The following LYG1 variants were observed in gnomAD, a reference collection of about 807,000 sequenced individuals.
LYG1 encodes the protein lysozyme g1.
In LYG1, 17 loss-of-function variants were observed where a neutral mutation model predicts 21.7. That is an observed-to-expected ratio of 0.78 (90% confidence interval 0.54 to 1.18). The LOEUF (loss-of-function observed/expected upper bound fraction) is 1.18, where lower values mean the gene tolerates loss of function less well. LYG1 is among the 50% of genes most tolerant of loss of function. The pLI is 0.00. For synonymous variants in LYG1, 81 were observed against 87.4 expected, an observed-to-expected ratio of 0.93 and a Z score of 0.41; for missense variants, 211 against 238.1, an observed-to-expected ratio of 0.89 and a Z score of 0.75.
rs2094092470 is a variant in LYG1 at position 99,284,695 on chromosome 2, G to C, written c.459C>G (p.Tyr153Ter). 6.2e-7 allele frequency: 1 copy of C among 1,614,124 alleles called. No homozygotes were observed. The highest frequency in any genetic ancestry group is 1.1e-5 in the South Asian group (1 of 91,076). The change falls in exon 6 of 7, where the codon TAC becomes TAG. Residue 153 changes from tyrosine to a stop codon, truncating the protein, a stop_gained. Transcript: ENST00000308528. LOFTEE classifies it high-confidence loss of function. ...RRFPTWTPDQ[Y>*]LRGGLCAYSG... is the part of the protein sequence containing the mutation. ...TGATAGCGTTACACGTACCTCTCAG[G>C]TACTGGTCAGGGGTCCAGGTTGGAA...
intron 5 of LYG1, among the ~76,000 whole-genome samples, chr2:99,286,166 G>T (rs945783196): frequency 4.6e-5 from 7 of 152,082 alleles, no homozygotes; most frequent in Non-Finnish European, 8.8e-5. Context: ...CAGCAAGAAG[G>T]CTCTACCAGA....
intron 3 of LYG1, among the ~76,000 whole-genome samples, chr2:99,294,417 C>G (rs1347470827): frequency 6.6e-6 from 1 of 152,132 alleles, no homozygotes; most frequent in African/African-American, 2.4e-5. Flanking sequence ...AATACTTCTA[C>G]TTTACAAACT....
intron 5 of LYG1, among the ~76,000 whole-genome samples, chr2:99,288,757 A>C (rs2094109751): frequency 6.6e-6 from 1 of 152,124 alleles, no homozygotes; most frequent in Admixed American, 6.5e-5. Flanking sequence ...TTTAGTAAAG[A>C]CAGGATTTCA....
intron 2 of LYG1, among the ~76,000 whole-genome samples, chr2:99,297,215 G>A (rs2094139408): frequency 6.6e-6 from 1 of 152,124 alleles, no homozygotes; most frequent in Non-Finnish European, 1.5e-5. Flanking sequence ...AGCTGGGTCT[G>A]CAGGAACGCT....
intron 3 of LYG1, 23 bp from the exon 4 acceptor site, chr2:99,292,663 C>T (rs551761619): frequency 9.3e-6 from 14 of 1,509,612 alleles, no homozygotes; most frequent in African/African-American, 1.4e-5. Flanking sequence ...AAAAGTTCAG[C>T]CTAAGGCATG....
chr2:99,288,210 G>A (rs1292247792), intron 5 of LYG1, among the ~76,000 whole-genome samples: 1 of 151,730 alleles, frequency 6.6e-6, no homozygotes, highest in African/African-American at 2.4e-5. Flanking sequence ...AATCTTTTTT[G>A]TTATGTCATA....
chr2:99,299,668 G>A lies in LYG1; in HGVS notation c.-123-1119C>T, dbSNP rs565205693. Reference sequence around the variant, plus strand: ...TCAAACTCCAGGGCTCAAGCAATCTGCCTGCCTCAGCCTCCCAAAGTGCTG... The same window carrying A: ...TCAAACTCCAGGGCTCAAGCAATCTACCTGCCTCAGCCTCCCAAAGTGCTG... On this transcript the variant is annotated intron_variant, in intron 1 of 6. Coordinates refer to ENST00000308528, the MANE Select transcript of LYG1 (RefSeq NM_174898.3). Among the ~76,000 whole-genome samples the A allele has an allele frequency of 1.2e-3, 184 of 151,760 alleles. 1 individual carries two copies. Among genetic ancestry groups the A allele is most frequent in the African/African-American group, 4.2e-3 (174 of 41,374 alleles).
intron 2 of LYG1, among the ~76,000 whole-genome samples, chr2:99,298,086 T>C (rs947685540): frequency 5.9e-5 from 9 of 152,198 alleles, no homozygotes; most frequent in Non-Finnish European, 1.2e-4. Flanking sequence ...CCAAACTCTA[T>C]GGCCCAACTT....
At chr2:99,290,385 CCT>C (rs745732359) in intron 5 of LYG1, among the ~76,000 whole-genome samples, 1 of 152,212 alleles carries the variant, frequency 6.6e-6, no homozygotes, top group Non-Finnish European at 1.5e-5. Flanking sequence ...ATTACGTGTC[CCT>C]CACCTCATCT....
intron 1 of LYG1, among the ~76,000 whole-genome samples, chr2:99,300,498 G>C (rs1299983656): frequency 1.3e-5 from 2 of 152,202 alleles, no homozygotes; most frequent in East Asian, 1.9e-4. Flanking sequence ...CTCTAGAGGC[G>C]TATCTGTCTT....
At chr2:99,295,812 G>T in intron 2 of LYG1, 110 bp from the exon 3 acceptor site, 1 of 1,033,144 alleles carries the variant, frequency 9.7e-7, no homozygotes, top group Non-Finnish European at 1.5e-6. Context: ...CCCCATATCT[G>T]ACCTAAGAAA....
At chr2:99,298,119 G>T (rs556961663) in intron 2 of LYG1, among the ~76,000 whole-genome samples, 4 of 152,210 alleles carry the variant, frequency 2.6e-5, no homozygotes, top group Non-Finnish European at 5.9e-5. Context: ...AAAGTACTCT[G>T]TGTTTAGAAG....
At chr2:99,304,582 A>C (rs2094162267), upstream of LYG1, 1 of 152,452 alleles carries the variant, frequency 6.6e-6, no homozygotes, top group African/African-American at 2.4e-5. Context: ...AGAAGAGGAC[A>C]TAAGTGCCTG....
intron 6 of LYG1, 68 bp from the exon 7 acceptor site, chr2:99,284,579 A>G (rs2094091710): frequency 6.3e-7 from 1 of 1,592,340 alleles, no homozygotes. Flanking sequence ...TCTCTTTACT[A>G]ACTACCTAAC....
In LYG1 at chr2:99,291,252, C is replaced by A. The variant is rs780599826; in HGVS notation, c.318G>T (p.Arg106Ser). 6.2e-7 allele frequency: 1 copy of A among 1,614,104 alleles called. No individual in the cohort carries two copies. The highest frequency in any genetic ancestry group is 2.2e-5 in the East Asian group (1 of 44,872). ...GAAGAGTTACCTGCACCATGCTAGT[C>A]CTATCGCCCATGTTGACCAGAATTT... ...GDKILVNMGD[R>S]TSMVQDPGSQ... Residue 106 changes from arginine (R) to serine (S), a missense_variant, in exon 5 of 7, where the codon AGG (arginine) becomes AGT (serine). By Grantham distance (110) the Arg-to-Ser change is moderately radical. Transcript: ENST00000308528.
intron 2 of LYG1, among the ~76,000 whole-genome samples, chr2:99,297,362 A>G (rs1417532153): frequency 2.0e-5 from 3 of 152,232 alleles, no homozygotes; most frequent in African/African-American, 7.2e-5. Context: ...TGGTCTCATG[A>G]AAGTGCATCA....
intron 3 of LYG1, 42 bp downstream of exon 3, chr2:99,295,586 T>A (rs1177201112): frequency 6.2e-7 from 1 of 1,610,842 alleles, no homozygotes; most frequent in Non-Finnish European, 8.5e-7. Context: ...GTGCTTATCC[T>A]TCCCATCTCC....
chr2:99,286,775 A>C (rs144217805), intron 5 of LYG1, among the ~76,000 whole-genome samples: 4 of 152,336 alleles, frequency 2.6e-5, no homozygotes, highest in African/African-American at 9.6e-5. Context: ...TATTCATCCA[A>C]AAGAATTGGA....
In LYG1 at chr2:99,300,105, A is replaced by G. The variant is rs566979822; in HGVS notation, c.-124+945T>C. 3.8e-4 allele frequency among the ~76,000 whole-genome samples: 58 copies of G among 152,200 alleles called. 1 individual carries two copies. The highest frequency in any genetic ancestry group is 1.3e-3 in the African/African-American group (56 of 41,520). On this transcript the variant is annotated intron_variant, in intron 1 of 6. Coordinates refer to ENST00000308528, the MANE Select transcript of LYG1 (RefSeq NM_174898.3). ...TCTTTTTTTTTTTGAGAAAAATACA[A>G]CTTTTTAGAGCAAAAATATAGGGCA... is the stretch of plus-strand genomic sequence containing the variant.
Sources: gnomAD v4.1 joint callset for allele counts (sites outside exome capture counted in the v4.1 genomes callset) on GRCh38, gnomAD v4.1.1 for gene constraint, MANE v1.5 for transcripts, NCBI Gene and HGNC (gene_info 2026-07-23, HGNC 2026-07-21) for gene names.